The following TMEM45B variants were observed in gnomAD, a reference collection of about 807,000 sequenced individuals.
The protein encoded by TMEM45B is transmembrane protein 45B.
A neutral mutation model predicts 27.3 loss-of-function variants in TMEM45B; 29 were observed. That is an observed-to-expected ratio of 1.06 (90% CI 0.79 to 1.45). The LOEUF (loss-of-function observed/expected upper bound fraction) is 1.45, where lower values mean the gene tolerates loss of function less well. TMEM45B is among the 40% of genes most tolerant of loss of function. TMEM45B has a pLI of 0.00. For missense variants in TMEM45B, 348 were observed against 343.9 expected (o/e 1.01, Z -0.09); for synonymous variants, 143 against 134.7 (o/e 1.06, Z -0.43).
chr11:129,855,923 T>C (rs1200810297), intron 4 of TMEM45B, 31 bp downstream of exon 4: 1 of 1,611,738 alleles, frequency 6.2e-7, no homozygotes, highest in Non-Finnish European at 8.5e-7. Flanking sequence ...CCCTCGCTGG[T>C]CTGGATGGAG....
intron 1 of TMEM45B, among the ~76,000 whole-genome samples, chr11:129,851,925 G>A (rs556928419): frequency 1.4e-4 from 21 of 152,168 alleles, no homozygotes; most frequent in African/African-American, 4.1e-4. Flanking sequence ...TTGTGCTTTC[G>A]TTTGCCCATC....
At chr11:129,828,652 T>G (rs2135561100) in intron 1 of TMEM45B, among the ~76,000 whole-genome samples, 1 of 152,360 alleles carries the variant, frequency 6.6e-6, no homozygotes, top group East Asian at 1.9e-4. Flanking sequence ...TAGGTTTGGC[T>G]GTATTCCAAA....
chr11:129,816,007 G>A (rs1186114907), intron 1 of TMEM45B, 109 bp downstream of exon 1: 19 of 1,233,172 alleles, frequency 1.5e-5, no homozygotes, highest in Non-Finnish European at 1.9e-5. Flanking sequence ...CGACTCGCAG[G>A]GGACCTGCGG....
chr11:129,844,341 G>T (rs1437248895), intron 1 of TMEM45B, among the ~76,000 whole-genome samples: 1 of 152,182 alleles, frequency 6.6e-6, no homozygotes, highest in Non-Finnish European at 1.5e-5. Context: ...CAAACTTGCA[G>T]TTATGAGTAA....
intron 1 of TMEM45B, among the ~76,000 whole-genome samples, chr11:129,845,900 G>A (rs555207112): frequency 6.6e-6 from 1 of 152,118 alleles, no homozygotes; most frequent in Non-Finnish European, 1.5e-5. Context: ...CAAAAGGTAG[G>A]GTGGGTGGAA....
At chr11:129,856,316 A>G (rs566168338) in intron 4 of TMEM45B, among the ~76,000 whole-genome samples, 3 of 151,942 alleles carry the variant, frequency 2.0e-5, no homozygotes, top group Non-Finnish European at 2.9e-5. Context: ...GGTTCAAGCG[A>G]TTCTCATGCC....
intron 1 of TMEM45B, among the ~76,000 whole-genome samples, chr11:129,819,059 G>C (rs984671397): frequency 2.6e-4 from 39 of 152,172 alleles, no homozygotes; most frequent in African/African-American, 9.2e-4. Context: ...AGCCTCAAAT[G>C]CCTATGGACC....
intron 1 of TMEM45B, among the ~76,000 whole-genome samples, chr11:129,831,795 T>C (rs1356080339): frequency 6.6e-6 from 1 of 152,156 alleles, no homozygotes; most frequent in African/African-American, 2.4e-5. Context: ...TGGCCAGGCA[T>C]GGTGGCCCAT....
chr11:129,837,585 C>CTTTTGT (rs1363107158), intron 1 of TMEM45B, among the ~76,000 whole-genome samples: 1 of 80,294 alleles, frequency 1.2e-5, no homozygotes, highest in Non-Finnish European at 2.5e-5. Flanking sequence ...CTGCACTGGG[C>CTTTTGT]TTTTTTTTTT....
intron 1 of TMEM45B, among the ~76,000 whole-genome samples, chr11:129,825,505 T>G (rs1235703926): frequency 2.0e-5 from 3 of 151,974 alleles, no homozygotes; most frequent in Non-Finnish European, 4.4e-5. Context: ...TTGTTGGATC[T>G]ATGAGTCTGA....
chr11:129,847,667 G>A (rs1354549300), intron 1 of TMEM45B, among the ~76,000 whole-genome samples: 2 of 151,782 alleles, frequency 1.3e-5, no homozygotes, highest in Non-Finnish European at 2.9e-5. Flanking sequence ...AACCCTGAGT[G>A]GACACAGCAC....
At chr11:129,847,562 A>C in intron 1 of TMEM45B, among the ~76,000 whole-genome samples, 2 of 151,000 alleles carry the variant, frequency 1.3e-5, no homozygotes, top group African/African-American at 4.9e-5. Context: ...GTCCCTGGGT[A>C]CTTGAGATTA....
chr11:129,833,312 T>C (rs567034914), intron 1 of TMEM45B, among the ~76,000 whole-genome samples: 3 of 151,824 alleles, frequency 2.0e-5, no homozygotes, highest in Admixed American at 1.3e-4. Context: ...AAATAACATA[T>C]GGCGTTATGG....
rs1245658316 is a variant in TMEM45B, at chr11:129,816,749, T to G, written c.-9+851T>G. ...GGCCACTTCTTTTTTTTTTTTTTTT[T>G]TTTTTTGAGACGGAGTCTCGCTCTG... On this transcript the variant is annotated intron_variant, in intron 1 of 5. Coordinates refer to ENST00000281441, the MANE Select transcript of TMEM45B (RefSeq NM_138788.5). 3.5e-4 allele frequency among the ~76,000 whole-genome samples: 50 copies of G among 142,344 alleles called. 1 individual carries two copies. The highest frequency in any genetic ancestry group is 2.1e-3 in the Admixed American group (30 of 14,286). 93.4% of individuals were successfully genotyped at this position (142,344 alleles called of 152,430 possible).
chr11:129,852,559 C>T lies in TMEM45B; in HGVS notation c.77C>T (p.Pro26Leu), dbSNP rs1565372881. The T allele has an allele frequency of 4.3e-6, 7 of 1,613,794 alleles. No individual in the cohort carries two copies. Among genetic ancestry groups the T allele is most frequent in the African/African-American group, 4.0e-5 (3 of 74,898 alleles). The stretch of plus-strand genomic sequence containing the variant: ...GGGCTGTGTTGGTCAGTGAAGTACC[C>T]GCTGAAGTACTTTAGCCACACGCGG... The part of the protein sequence containing the change: ...IIGLCWSVKY[P>L]LKYFSHTRKN... The change falls in exon 2 of 6, where the codon CCG becomes CTG. Residue 26 changes from proline (P) to leucine (L), a missense_variant. Coordinates refer to ENST00000281441, the MANE Select transcript of TMEM45B (RefSeq NM_138788.5).
At chr11:129,841,122 G>A (rs766181164) in intron 1 of TMEM45B, among the ~76,000 whole-genome samples, 5 of 151,984 alleles carry the variant, frequency 3.3e-5, no homozygotes, top group Non-Finnish European at 5.9e-5. Context: ...GTAGGAGATG[G>A]TGGCTTTTTT....
chr11:129,824,152 A>G (rs1947452444), intron 1 of TMEM45B, among the ~76,000 whole-genome samples: 1 of 152,134 alleles, frequency 6.6e-6, no homozygotes, highest in Admixed American at 6.5e-5. Context: ...CTTCGGTCTC[A>G]CTGGGGCTGT....
rs925952243 is a variant in TMEM45B at position 129,855,851 on chromosome 11, C to T, written c.529C>T (p.Arg177Ter). The change falls in exon 4 of 6, where the codon CGA (arginine) becomes TGA (stop). Residue 177 changes from arginine (R) to a stop codon, truncating the protein, a stop_gained. Coordinates refer to ENST00000281441, the MANE Select transcript of TMEM45B (RefSeq NM_138788.5). LOFTEE classifies it high-confidence loss of function. ...GGACCACATTGTGCTGGAACTTTTC[C>T]GAACCAGTCTCATCATTCTTCAGGG... ...FRDHIVLELF[R>*]TSLIILQGTW... 1.5e-4 allele frequency: 246 copies of T among 1,614,024 alleles called. No homozygotes were observed. The highest frequency in any genetic ancestry group is 2.0e-4 in the Non-Finnish European group (236 of 1,180,042).
intron 1 of TMEM45B, among the ~76,000 whole-genome samples, chr11:129,848,944 C>T (rs999821888): frequency 2.6e-5 from 4 of 152,172 alleles, no homozygotes; most frequent in African/African-American, 9.7e-5. Flanking sequence ...ATGGCTTAAT[C>T]AGCTCTTAAA....
Sources: allele counts gnomAD v4.1 joint callset (sites outside exome capture counted in the v4.1 genomes callset), GRCh38; gene constraint gnomAD v4.1.1; transcripts MANE v1.5; gene names NCBI Gene and HGNC (gene_info 2026-07-23, HGNC 2026-07-21).